The following NEXN variants were observed in gnomAD, a reference collection of about 807,000 sequenced individuals.
The protein encoded by NEXN is nexilin F-actin binding protein, also known as nexilin.
A neutral mutation model predicts 92.6 loss-of-function variants in NEXN; 65 were observed. That is an observed-to-expected ratio of 0.70 (90% CI 0.57 to 0.86). The LOEUF (loss-of-function observed/expected upper bound fraction) is 0.86. Among genes scored for constraint, NEXN ranks in the 40% least tolerant of loss-of-function variants. The probability of loss-of-function intolerance (pLI) is 0.00; values close to 1 mark genes in which losing one functional copy is unlikely to be tolerated. For synonymous variants in NEXN, 254 were observed against 242.5 expected, an observed-to-expected ratio of 1.05 and a Z score of -0.44; for missense variants, 778 against 771.1, an observed-to-expected ratio of 1.01 and a Z score of -0.11.
At chr1:77,939,425 G>A (rs1050964586) in intron 11 of NEXN, among the ~76,000 whole-genome samples, 2 of 152,186 alleles carry the variant, frequency 1.3e-5, no homozygotes, top group African/African-American at 4.8e-5. Flanking sequence ...AGTGAATTAA[G>A]CCCTGGAGAA....
chr1:77,904,363 T>C (rs1038596278), intron 1 of NEXN, among the ~76,000 whole-genome samples: 71 of 152,326 alleles, frequency 4.7e-4, no homozygotes, highest in Non-Finnish European at 1.2e-4. Flanking sequence ...ATATATTTAA[T>C]GTATGATATT....
At chr1:77,927,714 C>T (rs1649975913) in intron 8 of NEXN, among the ~76,000 whole-genome samples, 1 of 151,690 alleles carries the variant, frequency 6.6e-6, no homozygotes, top group Non-Finnish European at 1.5e-5. Flanking sequence ...TAACCATGGA[C>T]AACTGTTTTA....
At chr1:77,938,186 CT>C in intron 11 of NEXN, among the ~76,000 whole-genome samples, 2 of 152,282 alleles carry the variant, frequency 1.3e-5, no homozygotes, top group Middle Eastern at 6.8e-3. Flanking sequence ...TGCATCTAAG[CT>C]TGTGTGACAT....
chr1:77,889,312 C>G (rs1647048865), intron 1 of NEXN: 1 of 150,816 alleles, frequency 6.6e-6, no homozygotes, highest in Non-Finnish European at 1.5e-5. Context: ...CCTATTACTC[C>G]CCCCCCACAC....
At chr1:77,941,654 A>G (rs1172099268) in intron 11 of NEXN, 1 of 261,146 alleles carries the variant, frequency 3.8e-6, no homozygotes, top group African/African-American at 2.3e-5. Flanking sequence ...GCAGTAGGGA[A>G]TGGTATGGAC....
intron 1 of NEXN, among the ~76,000 whole-genome samples, chr1:77,892,082 C>CAA (rs760743534): frequency 7.3e-6 from 1 of 137,302 alleles, no homozygotes; most frequent in East Asian, 2.1e-4. Flanking sequence ...GGCTCTGTGT[C>CAA]AAAAAAAAAA....
intron 8 of NEXN, among the ~76,000 whole-genome samples, chr1:77,927,634 A>G (rs953989377): frequency 4.7e-5 from 7 of 149,508 alleles, no homozygotes; most frequent in Admixed American, 6.7e-5. Context: ...GTGTGTGTGT[A>G]GTGTGGTTAA....
chr1:77,930,188 T>G (rs1650178222), intron 9 of NEXN, among the ~76,000 whole-genome samples: 1 of 152,240 alleles, frequency 6.6e-6, no homozygotes, highest in African/African-American at 2.4e-5. Flanking sequence ...GTTTTCTTCC[T>G]CTGTATGGGT....
In NEXN at chr1:77,918,048, T is replaced by G. The variant is rs397517854; in HGVS notation, c.298+10T>G. 2 of 1,612,890 alleles carry G rather than the reference T, an allele frequency of 1.2e-6. No individual in the cohort carries two copies. Among genetic ancestry groups the G allele is most frequent in the Admixed American group, 3.3e-5 (2 of 60,010 alleles). Reference sequence around the variant, plus strand: ...GTTCCAAAATTAACAGGTAAGAAGCTTGAGGGGTAAATAGTAAATTAAATT... The same window carrying G: ...GTTCCAAAATTAACAGGTAAGAAGCGTGAGGGGTAAATAGTAAATTAAATT... On this transcript the variant is annotated intron_variant, in intron 4 of 12. Coordinates refer to ENST00000334785, the MANE Select transcript of NEXN (RefSeq NM_144573.4).
At position 77,917,996 on chromosome 1, in the gene NEXN, G is replaced by T. The variant is rs1278719337; in HGVS notation, c.256G>T (p.Val86Leu). The change falls in exon 4 of 13, where the codon GTA becomes TTA. Residue 86 changes from valine to leucine, a missense_variant. This residue lies in a region of NEXN where 236 missense variants were observed against 265.6 expected (regional missense o/e 0.89). Coordinates refer to ENST00000334785, the MANE Select transcript of NEXN (RefSeq NM_144573.4). ...EMLASDDEED[V>L]SSKVEKAYVP... ...GCTTGCTTCTGATGATGAGGAAGAT[G>T]TATCTTCTAAAGTAGAAAAGGCTTA... is the stretch of plus-strand genomic sequence containing the variant. 6.2e-7 allele frequency: 1 copy of T among 1,613,452 alleles called. No homozygotes were observed. The highest frequency in any genetic ancestry group is 8.5e-7 in the Non-Finnish European group (1 of 1,179,584).
intron 1 of NEXN, among the ~76,000 whole-genome samples, chr1:77,910,431 T>C (rs1361499411): frequency 6.6e-6 from 1 of 151,910 alleles, no homozygotes; most frequent in East Asian, 1.9e-4. Flanking sequence ...GAAAATCTGA[T>C]GGAATCTATG....
At position 77,933,441 on chromosome 1, in the gene NEXN, A is replaced by T; in HGVS notation, c.1213A>T (p.Lys405Ter). Residue 405 changes from lysine (K) to a stop codon, truncating the protein, a stop_gained, in exon 10 of 13, where the codon AAA (lysine) becomes TAA (stop). Coordinates refer to ENST00000334785, the MANE Select transcript of NEXN (RefSeq NM_144573.4). LOFTEE classifies it high-confidence loss of function. ...ACGGAAGCATAAGCTAGAAATGGAG[A>T]AACAAGAATTTGAACAACTGAGACA... ...EERKHKLEME[K>*]QEFEQLRQEM... 1 of 1,613,428 alleles carries T rather than the reference A, an allele frequency of 6.2e-7. No individual in the cohort carries two copies. Among genetic ancestry groups the T allele is most frequent in the Non-Finnish European group, 8.5e-7 (1 of 1,179,570 alleles).
chr1:77,933,960 T>C (rs1036797755), intron 10 of NEXN, among the ~76,000 whole-genome samples: 3 of 151,884 alleles, frequency 2.0e-5, no homozygotes, highest in Admixed American at 6.6e-5. Context: ...CTCAGCCTTC[T>C]GTGTAGCTGA....
In NEXN at chr1:77,942,035, G is replaced by C. The variant is rs1162348689; in HGVS notation, c.1486G>C (p.Asp496His). The C allele has an allele frequency of 6.2e-7, 1 of 1,612,746 alleles. No individual in the cohort carries two copies. Among genetic ancestry groups the C allele is most frequent in the Non-Finnish European group, 8.5e-7 (1 of 1,179,248 alleles). The change falls in exon 12 of 13, where the codon GAT becomes CAT. Residue 496 changes from aspartate to histidine, a missense_variant. Asp to His is a moderately conservative substitution (Grantham distance 81). Coordinates refer to ENST00000334785, the MANE Select transcript of NEXN (RefSeq NM_144573.4). ...AENFHEEDDV[D>H]VRPARKSEAP... ...CACTTTCTTGCAGGAAGATGATGTT[G>C]ATGTTAGGCCTGCAAGAAAAAGCGA...
intron 1 of NEXN, among the ~76,000 whole-genome samples, chr1:77,895,015 C>T (rs940033161): frequency 1.4e-5 from 2 of 145,998 alleles, no homozygotes; most frequent in African/African-American, 5.1e-5. Flanking sequence ...CATCCATGGC[C>T]AGCCTATAGT....
Position 77,920,591 on chromosome 1 carries a change from C to T in NEXN, c.447+2318C>T, listed in dbSNP as rs144239264. Among the ~76,000 whole-genome samples the T allele has an allele frequency of 3.4e-3, 463 of 136,432 alleles. 1 individual carries two copies. The highest frequency in any genetic ancestry group is 4.7e-3 in the Non-Finnish European group (310 of 65,624). The allele number at this position is 136,432 out of a possible 152,430, so 89.5% of individuals were successfully genotyped here. On this transcript the variant is annotated intron_variant, in intron 5 of 12. Transcript: ENST00000334785. ...AGCTATGATAATTTCACTGCACTTC[C>T]AGCCAGCAACAGAGAGACCCTGTCT...
At position 77,943,166 on chromosome 1, in the gene NEXN, T is replaced by G. The variant is rs1651543333; in HGVS notation, c.*337T>G. On this transcript the variant is annotated 3_prime_UTR_variant, in exon 13 of 13. Coordinates refer to ENST00000334785, the MANE Select transcript of NEXN (RefSeq NM_144573.4). ...TTATGGGGGGGAATTACTCAATTAT[T>G]CTATCAGAACCTATTATAAAGACTG... 2.9e-6 allele frequency: 1 copy of G among 341,792 alleles called. No individual in the cohort carries two copies. Among genetic ancestry groups the G allele is most frequent in the African/African-American group, 2.1e-5 (1 of 46,684 alleles). 21.2% of individuals were successfully genotyped at this position (341,792 alleles called of 1,614,324 possible). A position where few individuals can be genotyped will look rare whatever the true frequency, so the allele number is the denominator to read the frequency against.
At chr1:77,906,548 T>A (rs1412594863) in intron 1 of NEXN, among the ~76,000 whole-genome samples, 2 of 152,226 alleles carry the variant, frequency 1.3e-5, no homozygotes, top group African/African-American at 4.8e-5. Context: ...TGTATTAATA[T>A]TAAAATTTAA....
chr1:77,921,331 C>T (rs1649403634), intron 5 of NEXN, among the ~76,000 whole-genome samples: 4 of 152,086 alleles, frequency 2.6e-5, no homozygotes, highest in South Asian at 4.1e-4. Flanking sequence ...AAACAAAAAA[C>T]CTGGGTTTGG....
Sources: gnomAD v4.1 joint callset for allele counts (sites outside exome capture counted in the v4.1 genomes callset) on GRCh38, gnomAD v4.1.1 for gene constraint, gnomAD v4.1.1 regional missense constraint, MANE v1.5 for transcripts, NCBI Gene and HGNC (gene_info 2026-07-23, HGNC 2026-07-21) for gene names.